MAP4K3: variants seen among roughly 807,000 people sequenced by gnomAD.
The protein encoded by MAP4K3 is MAPK/ERK kinase kinase kinase 3.
A neutral mutation model predicts 143.5 loss-of-function variants in MAP4K3; 94 were observed. The observed-to-expected ratio is 0.65, with a 90% CI of 0.55 to 0.78. The LOEUF is 0.78. Ranked by LOEUF, MAP4K3 falls within the 30% of genes least tolerant of loss-of-function variation. The probability of loss-of-function intolerance (pLI) is 0.00; values close to 1 mark genes in which losing one functional copy is unlikely to be tolerated. For synonymous variants in MAP4K3, 416 were observed against 347.2 expected (o/e 1.20, Z -2.20); for missense variants, 1,077 against 1,068.1 (o/e 1.01, Z -0.12).
At chr2:39,364,665 C>T (rs903308545) in intron 2 of MAP4K3, among the ~76,000 whole-genome samples, 2 of 152,170 alleles carry the variant, frequency 1.3e-5, no homozygotes, top group Non-Finnish European at 2.9e-5. Flanking sequence ...GCCAGGAGTA[C>T]GAGACCAGCC....
intron 1 of MAP4K3, among the ~76,000 whole-genome samples, chr2:39,424,196 G>A (rs937711660): frequency 2.6e-4 from 40 of 152,212 alleles, no homozygotes; most frequent in Admixed American, 5.2e-4. Context: ...CACCCGCCTC[G>A]GCCTCCCAAA....
At chr2:39,419,131 T>C (rs1394100309) in intron 1 of MAP4K3, among the ~76,000 whole-genome samples, 2 of 152,172 alleles carry the variant, frequency 1.3e-5, no homozygotes, top group Non-Finnish European at 2.9e-5. Flanking sequence ...TTAAATAATG[T>C]TTTAAATAGT....
intron 26 of MAP4K3, among the ~76,000 whole-genome samples, chr2:39,268,328 A>ATTTTAT (rs1680856241): frequency 6.6e-6 from 1 of 152,064 alleles, no homozygotes; most frequent in African/African-American, 2.4e-5. Flanking sequence ...ATTAAATTTT[A>ATTTTAT]TTTTATTTTT....
chr2:39,252,519 A>G (rs1246600844), intron 32 of MAP4K3, among the ~76,000 whole-genome samples: 1 of 152,248 alleles, frequency 6.6e-6, no homozygotes, highest in East Asian at 1.9e-4. Flanking sequence ...TTCTCTTGAA[A>G]TAATATTTTC....
rs1420491347 is a variant in MAP4K3, at chr2:39,314,869, T to C, written c.997+441A>G. Among the ~76,000 whole-genome samples the C allele has an allele frequency of 2.6e-5, 4 of 152,314 alleles. No individual in the cohort carries two copies. In the East Asian group the frequency reaches 7.7e-4, roughly 29 times the overall value. ...AATCCCTTTTTAAAAGTTTCCAGGT[T>C]ACTCAGATGCTAGGGCAGTTTGCAG... On this transcript the variant is annotated intron_variant, in intron 13 of 33. Transcript: ENST00000263881.
At chr2:39,268,634 ATT>A (rs70954799) in intron 26 of MAP4K3, among the ~76,000 whole-genome samples, 60 of 73,780 alleles carry the variant, frequency 8.1e-4, no homozygotes, top group Non-Finnish European at 1.2e-3. Flanking sequence ...GATTTTTTCT[ATT>A]TTTTTTTTTT....
chr2:39,290,861 G>A (rs575189926), intron 18 of MAP4K3, among the ~76,000 whole-genome samples: 12 of 152,270 alleles, frequency 7.9e-5, no homozygotes, highest in African/African-American at 2.9e-4. Flanking sequence ...ACGAGGTCAG[G>A]AAATCAAGAC....
At chr2:39,387,541 G>C (rs1427140037) in intron 1 of MAP4K3, among the ~76,000 whole-genome samples, 1 of 152,216 alleles carries the variant, frequency 6.6e-6, no homozygotes, top group East Asian at 1.9e-4. Flanking sequence ...GAAATACTGA[G>C]AAATAGCACC....
chr2:39,410,385 C>T (rs1261264722), intron 1 of MAP4K3, among the ~76,000 whole-genome samples: 1 of 152,142 alleles, frequency 6.6e-6, no homozygotes, highest in African/African-American at 2.4e-5. Flanking sequence ...AAAATTAGAG[C>T]AATAAAATCA....
At chr2:39,309,115 T>TA (rs150723855) in intron 14 of MAP4K3, among the ~76,000 whole-genome samples, 13,765 of 152,134 alleles carry the variant, frequency 0.09, 874 homozygotes, top group East Asian at 0.28. Flanking sequence ...CCCACGATTT[T>TA]AAAAAAAATT....
At chr2:39,275,188 C>G (rs1681196093) in intron 24 of MAP4K3, among the ~76,000 whole-genome samples, 1 of 152,134 alleles carries the variant, frequency 6.6e-6, no homozygotes, top group South Asian at 2.1e-4. Context: ...TGATGGGTGC[C>G]TTCTCTCAAG....
At chr2:39,383,505 T>C (rs1666406175) in intron 1 of MAP4K3, among the ~76,000 whole-genome samples, 1 of 152,078 alleles carries the variant, frequency 6.6e-6, no homozygotes, top group African/African-American at 2.4e-5. Flanking sequence ...CCAAATCATG[T>C]CACTAGGTAT....
intron 3 of MAP4K3, among the ~76,000 whole-genome samples, chr2:39,350,803 A>C (rs1360360361): frequency 6.6e-6 from 1 of 152,136 alleles, no homozygotes; most frequent in East Asian, 1.9e-4. Flanking sequence ...TTAGGTCCTA[A>C]TTAAGGGATA....
At chr2:39,312,784 T>A (rs1314826757) in intron 13 of MAP4K3, among the ~76,000 whole-genome samples, 1 of 152,248 alleles carries the variant, frequency 6.6e-6, no homozygotes, top group African/African-American at 2.4e-5. Flanking sequence ...TACCTCATCT[T>A]GATAAAGGCC....
intron 18 of MAP4K3, among the ~76,000 whole-genome samples, chr2:39,292,399 C>T (rs7593720): frequency 2.0e-5 from 3 of 151,986 alleles, no homozygotes; most frequent in African/African-American, 4.8e-5. Flanking sequence ...GGTGATCTTA[C>T]GAGAGAGAGA....
At position 39,265,291 on chromosome 2, in the gene MAP4K3, G is replaced by A. The variant is rs745338606; in HGVS notation, c.2048C>T (p.Thr683Met). ...TGCTCCACATAGGTATTTATGGCCC[G>A]TGTAAGGATTTCTTACTGTCAAAGC... is the stretch of plus-strand genomic sequence containing the variant. ...QKCCVVRNPY[T>M]GHKYLCGALQ... Residue 683 changes from threonine to methionine, a missense_variant, in exon 28 of 34, where the codon ACG becomes ATG. Physicochemically the swap from Thr to Met is moderately conservative, Grantham distance 81. Coordinates refer to ENST00000263881, the MANE Select transcript of MAP4K3 (RefSeq NM_003618.4). 4.3e-6 allele frequency: 7 copies of A among 1,610,254 alleles called. No individual in the cohort carries two copies. The highest frequency in any genetic ancestry group is 2.2e-5 in the South Asian group (2 of 90,902).
intron 1 of MAP4K3, among the ~76,000 whole-genome samples, chr2:39,420,477 T>C (rs1667515101): frequency 6.6e-6 from 1 of 152,150 alleles, no homozygotes; most frequent in African/African-American, 2.4e-5. Flanking sequence ...AGTGCAGTAC[T>C]GCAATCATAG....
chr2:39,268,442 T>A (rs903637801), intron 26 of MAP4K3, among the ~76,000 whole-genome samples: 1 of 151,446 alleles, frequency 6.6e-6, no homozygotes, highest in Non-Finnish European at 1.5e-5. Flanking sequence ...TGTCTCAGAA[T>A]GCCAAATAGC....
At chr2:39,341,632 C>T (rs374973652) in intron 4 of MAP4K3, among the ~76,000 whole-genome samples, 36 of 149,338 alleles carry the variant, frequency 2.4e-4, no homozygotes, top group Admixed American at 1.7e-3. Flanking sequence ...CTCCAGCCTG[C>T]GCGACAGAGC....
Sources: allele counts gnomAD v4.1 joint callset (sites outside exome capture counted in the v4.1 genomes callset), GRCh38; gene constraint gnomAD v4.1.1; transcripts MANE v1.5; gene names NCBI Gene and HGNC (gene_info 2026-07-23, HGNC 2026-07-21).